CATSPERT: variants seen among roughly 807,000 people sequenced by gnomAD.
The protein encoded by CATSPERT is cation channel sperm-associated targeting subunit tau.
At chr2:201,562,660 C>T in the CATSPERT span, among the ~76,000 whole-genome samples, 11 of 146,716 alleles carry the variant, frequency 7.5e-5, no homozygotes, top group East Asian at 6.1e-4. Flanking sequence ...GAGGACCCTG[C>T]AGCCTTCCGC....
chr2:201,542,372 T>A, the CATSPERT span, among the ~76,000 whole-genome samples: 4 of 152,214 alleles, frequency 2.6e-5, no homozygotes, highest in Non-Finnish European at 4.4e-5. Flanking sequence ...TTCAATTCTT[T>A]TGGATAGACA....
At chr2:201,557,052 T>A in the CATSPERT span, 1 of 152,114 alleles carries the variant, frequency 6.6e-6, no homozygotes, top group Non-Finnish European at 1.5e-5. Context: ...AATATACATT[T>A]ACTAGGCCAA....
the CATSPERT span, among the ~76,000 whole-genome samples, chr2:201,614,774 A>G: frequency 6.6e-6 from 1 of 152,244 alleles, no homozygotes; most frequent in Non-Finnish European, 1.5e-5. Context: ...CAAATTGGAT[A>G]AAGAGTCAAG....
the CATSPERT span, chr2:201,575,423 G>A: frequency 2.4e-6 from 2 of 841,106 alleles, no homozygotes; most frequent in Non-Finnish European, 3.4e-6. Flanking sequence ...GCCATGGACT[G>A]GTGCTGGTCC....
chr2:201,531,139 T>TC, the CATSPERT span, among the ~76,000 whole-genome samples: 2 of 151,880 alleles, frequency 1.3e-5, no homozygotes, highest in African/African-American at 2.4e-5. Flanking sequence ...TTTTTGTTTT[T>TC]TAGTAGAGAC....
chr2:201,494,181 A>G, the CATSPERT span: 1 of 1,533,820 alleles, frequency 6.5e-7, no homozygotes, highest in Non-Finnish European at 8.7e-7. Context: ...TGTCTTCCAT[A>G]CTACTTGATG....
chr2:201,536,353 T>C, the CATSPERT span: 23 of 1,547,914 alleles, frequency 1.5e-5, no homozygotes, highest in South Asian at 2.9e-4. Flanking sequence ...AAACTACCAG[T>C]TAATCATTAT....
the CATSPERT span, among the ~76,000 whole-genome samples, chr2:201,598,058 T>C: frequency 6.6e-6 from 1 of 152,176 alleles, no homozygotes; most frequent in Non-Finnish European, 1.5e-5. Context: ...TTTTTCTTAC[T>C]CCCGCCTGTA....
At chr2:201,591,794 A>G in the CATSPERT span, among the ~76,000 whole-genome samples, 1 of 151,280 alleles carries the variant, frequency 6.6e-6, no homozygotes, top group Non-Finnish European at 1.5e-5. Context: ...TTTGTCTGTT[A>G]TTGGTGTATA....
the CATSPERT span, chr2:201,495,830 T>G: frequency 9.2e-7 from 1 of 1,089,294 alleles, no homozygotes; most frequent in South Asian, 1.6e-5. Context: ...ACTATTGAAT[T>G]AAAGTATTGA....
At chr2:201,600,839 C>A in the CATSPERT span, among the ~76,000 whole-genome samples, 1 of 151,954 alleles carries the variant, frequency 6.6e-6, no homozygotes, top group Non-Finnish European at 1.5e-5. Context: ...GCAACCTCCA[C>A]CTCCTGGGTT....
At chr2:201,507,188 C>A in the CATSPERT span, among the ~76,000 whole-genome samples, 10,377 of 152,160 alleles carry the variant, frequency 0.068, 471 homozygotes, top group African/African-American at 0.12. Context: ...AATATAAAAT[C>A]AACATACAAA....
At chr2:201,512,385 C>T in the CATSPERT span, among the ~76,000 whole-genome samples, 1 of 152,244 alleles carries the variant, frequency 6.6e-6, no homozygotes, top group African/African-American at 2.4e-5. Context: ...ACAGTTAAGA[C>T]CTAGACATTT....
chr2:201,602,809 A>G, the CATSPERT span, among the ~76,000 whole-genome samples: 3 of 152,204 alleles, frequency 2.0e-5, no homozygotes, highest in African/African-American at 4.8e-5. Context: ...CTAGAGCACA[A>G]AATTTAAGGG....
the CATSPERT span, among the ~76,000 whole-genome samples, chr2:201,519,227 C>T: frequency 1.3e-5 from 2 of 152,168 alleles, no homozygotes; most frequent in Non-Finnish European, 2.9e-5. Context: ...CATAAACTCT[C>T]CCAACCTAGG....
the CATSPERT span, among the ~76,000 whole-genome samples, chr2:201,513,695 A>G: frequency 2.0e-3 from 300 of 152,330 alleles, 2 homozygotes; most frequent in Non-Finnish European, 3.7e-3. Flanking sequence ...CCCATCAACA[A>G]TGGACTGGAT....
chr2:201,505,885 A>G, the CATSPERT span, among the ~76,000 whole-genome samples: 1 of 152,196 alleles, frequency 6.6e-6, no homozygotes, highest in Non-Finnish European at 1.5e-5. Flanking sequence ...GGTATATAGG[A>G]ACTCTCTAAT....
the CATSPERT span, among the ~76,000 whole-genome samples, chr2:201,525,526 A>T: frequency 6.6e-6 from 1 of 152,180 alleles, no homozygotes; most frequent in Non-Finnish European, 1.5e-5. Flanking sequence ...TTAACAACCT[A>T]ATGTCACAGG....
At chr2:201,528,803 G>A in the CATSPERT span, among the ~76,000 whole-genome samples, 1 of 152,036 alleles carries the variant, frequency 6.6e-6, no homozygotes, top group Non-Finnish European at 1.5e-5. Flanking sequence ...CTACCTATTG[G>A]ATACAATATT....
Sources: gnomAD v4.1 joint callset for allele counts (sites outside exome capture counted in the v4.1 genomes callset) on GRCh38, gnomAD v4.1.1 for gene constraint, MANE v1.5 for transcripts, NCBI Gene and HGNC (gene_info 2026-07-23, HGNC 2026-07-21) for gene names.